Variants in ADCY9 observed in about 807,000 individuals in gnomAD.
The protein encoded by ADCY9 is adenylate cyclase 9.
A neutral mutation model predicts 101.5 loss-of-function variants in ADCY9; 50 were observed. The observed-to-expected ratio is 0.49, with a 90% CI of 0.39 to 0.62. The LOEUF (loss-of-function observed/expected upper bound fraction) is 0.62, where lower values mean the gene tolerates loss of function less well. Among genes scored for constraint, ADCY9 ranks in the 20% least tolerant of loss-of-function variants. ADCY9 has a pLI of 0.00. For synonymous variants in ADCY9, 905 were observed against 769.3 expected, an observed-to-expected ratio of 1.18 and a Z score of -2.92; for missense variants, 1,662 against 1,800.4, an observed-to-expected ratio of 0.92 and a Z score of 1.39.
chr16:3,987,309 C>A (rs1005304833), intron 6 of ADCY9, among the ~76,000 whole-genome samples: 4 of 152,360 alleles, frequency 2.6e-5, no homozygotes, highest in African/African-American at 9.6e-5. Flanking sequence ...CCTGGCAGAG[C>A]AGAGGCTGAG....
At chr16:3,983,488 C>A (rs374730156) in intron 6 of ADCY9, 48 bp from the exon 7 acceptor site, 9 of 1,496,526 alleles carry the variant, frequency 6.0e-6, no homozygotes, top group Non-Finnish European at 8.2e-6. Flanking sequence ...CCATGGGCGG[C>A]CAGGAGCGCA....
chr16:3,973,027 T>A (rs9935335), intron 10 of ADCY9, among the ~76,000 whole-genome samples: 43,475 of 152,076 alleles, frequency 0.29, 7,659 homozygotes, highest in South Asian at 0.48. Flanking sequence ...ATCTTGTACA[T>A]ATTTTTACTA....
chr16:4,102,327 C>G (rs1359865882), intron 2 of ADCY9, among the ~76,000 whole-genome samples: 1 of 152,114 alleles, frequency 6.6e-6, no homozygotes, highest in Non-Finnish European at 1.5e-5. Flanking sequence ...GAGAATTAAG[C>G]CCGAATGTAT....
intron 2 of ADCY9, among the ~76,000 whole-genome samples, chr16:4,022,278 G>C (rs2056482219): frequency 6.6e-6 from 1 of 151,796 alleles, no homozygotes; most frequent in South Asian, 2.1e-4. Flanking sequence ...GATCACTTGA[G>C]GTCATGAGTT....
intron 2 of ADCY9, among the ~76,000 whole-genome samples, chr16:4,097,487 T>TACACAC (rs71139606): frequency 0.044 from 3,136 of 71,986 alleles, 181 homozygotes; most frequent in East Asian, 0.17. Flanking sequence ...TATATATATA[T>TACACAC]ACACACACAC....
At chr16:4,040,225 A>G (rs1412190597) in intron 2 of ADCY9, among the ~76,000 whole-genome samples, 1 of 152,204 alleles carries the variant, frequency 6.6e-6, no homozygotes, top group Non-Finnish European at 1.5e-5. Context: ...CTAAATCTGC[A>G]GGTGCATGAA....
intron 2 of ADCY9, among the ~76,000 whole-genome samples, chr16:4,097,559 T>TATATATATATATACA (rs1567147101): frequency 3.4e-5 from 3 of 88,784 alleles, no homozygotes; most frequent in African/African-American, 1.9e-4. Context: ...ATATATTTTT[T>TATATATATATATACA]TTTTTTTTTT....
chr16:3,972,859 T>C (rs2056064632), intron 10 of ADCY9, among the ~76,000 whole-genome samples: 1 of 151,942 alleles, frequency 6.6e-6, no homozygotes. Flanking sequence ...ATGGGTGTGT[T>C]CTCTGGTGAA....
intron 2 of ADCY9, among the ~76,000 whole-genome samples, chr16:4,016,907 C>T (rs929241076): frequency 9.9e-5 from 15 of 152,122 alleles, no homozygotes; most frequent in Non-Finnish European, 1.5e-4. Flanking sequence ...GTGATGGTTG[C>T]ACAACACCAT....
intron 2 of ADCY9, among the ~76,000 whole-genome samples, chr16:4,069,442 G>A (rs1209496588): frequency 2.0e-5 from 3 of 151,726 alleles, no homozygotes; most frequent in Admixed American, 6.6e-5. Context: ...TGTAATGAGC[G>A]AAGGCATCTC....
intron 3 of ADCY9, among the ~76,000 whole-genome samples, chr16:3,995,579 A>C (rs900550297): frequency 3.3e-5 from 5 of 151,774 alleles, no homozygotes; most frequent in Non-Finnish European, 7.4e-5. Context: ...TCCAATGAAG[A>C]AGACAAACCG....
chr16:3,983,161 G>T, intron 7 of ADCY9, 71 bp downstream of exon 7: 1 of 1,408,256 alleles, frequency 7.1e-7, no homozygotes, highest in Non-Finnish European at 9.5e-7. Context: ...CAACCGCTCA[G>T]CCATAAGCCA....
chr16:3,969,609 T>TAC lies in ADCY9; in HGVS notation c.2871-2644_2871-2643insGT, dbSNP rs1321798408. Among the ~76,000 whole-genome samples the TAC allele has an allele frequency of 9.9e-4, 94 of 94,886 alleles. 7 individuals are homozygous for TAC. The highest frequency in any genetic ancestry group is 4.8e-3 in the African/African-American group (89 of 18,654). 62.2% of individuals were successfully genotyped at this position (94,886 alleles called of 152,430 possible). A position where few individuals can be genotyped will look rare whatever the true frequency, so the allele number is the denominator to read the frequency against. The stretch of plus-strand genomic sequence containing the variant: ...ATATATATATATATATATATATATA[T>TAC]GTATTTTTTTTTTTTTTTAAGAAGA... On this transcript the variant is annotated intron_variant, in intron 10 of 10. Coordinates refer to ENST00000294016, the MANE Select transcript of ADCY9 (RefSeq NM_001116.4).
At chr16:4,037,301 G>C (rs1474231556) in intron 2 of ADCY9, among the ~76,000 whole-genome samples, 1 of 152,126 alleles carries the variant, frequency 6.6e-6, no homozygotes, top group Admixed American at 6.5e-5. Flanking sequence ...CTGGGCAACA[G>C]AGCAAGACTC....
intron 3 of ADCY9, among the ~76,000 whole-genome samples, chr16:4,006,479 C>T (rs1353305030): frequency 3.3e-5 from 5 of 152,156 alleles, no homozygotes; most frequent in Admixed American, 1.3e-4. Context: ...GACTGTTCCT[C>T]GTAAATACCA....
intron 9 of ADCY9, among the ~76,000 whole-genome samples, chr16:3,976,751 G>A (rs1009524486): frequency 1.3e-5 from 2 of 152,106 alleles, no homozygotes; most frequent in Non-Finnish European, 2.9e-5. Context: ...TCCGCCTCCC[G>A]GGTACAAGCG....
intron 2 of ADCY9, among the ~76,000 whole-genome samples, chr16:4,104,045 T>C (rs1306362979): frequency 6.6e-6 from 1 of 152,160 alleles, no homozygotes; most frequent in Non-Finnish European, 1.5e-5. Flanking sequence ...GGCCACCTTT[T>C]TGGTAGCACA....
intron 2 of ADCY9, among the ~76,000 whole-genome samples, chr16:4,030,272 A>G (rs1402670122): frequency 1.3e-5 from 2 of 152,196 alleles, no homozygotes; most frequent in Non-Finnish European, 2.9e-5. Flanking sequence ...ATCCATCAAG[A>G]GGAGGATCGA....
At chr16:4,104,862 T>G (rs900947288) in intron 2 of ADCY9, among the ~76,000 whole-genome samples, 1 of 151,986 alleles carries the variant, frequency 6.6e-6, no homozygotes, top group Admixed American at 6.6e-5. Flanking sequence ...ACCTCAGCCG[T>G]GGGTCGGGCG....
Sources: allele counts gnomAD v4.1 joint callset (sites outside exome capture counted in the v4.1 genomes callset), GRCh38; gene constraint gnomAD v4.1.1; transcripts MANE v1.5; gene names NCBI Gene and HGNC (gene_info 2026-07-23, HGNC 2026-07-21).